The following ENTREP2 variants were observed in gnomAD, a reference collection of about 807,000 sequenced individuals.
ENTREP2 encodes protein ENTREP2.
chr15:29,565,737 G>A, the ENTREP2 span, among the ~76,000 whole-genome samples: 6 of 152,144 alleles, frequency 3.9e-5, no homozygotes, highest in Non-Finnish European at 8.8e-5. Flanking sequence ...GCTGAGGCAG[G>A]CGGATCACGA....
the ENTREP2 span, among the ~76,000 whole-genome samples, chr15:29,292,744 C>T: frequency 6.6e-6 from 1 of 152,134 alleles, no homozygotes; most frequent in Non-Finnish European, 1.5e-5. Flanking sequence ...ATGTATATGG[C>T]TTGGAAAATT....
the ENTREP2 span, among the ~76,000 whole-genome samples, chr15:29,171,915 G>C: frequency 1.3e-5 from 2 of 152,202 alleles, no homozygotes; most frequent in Non-Finnish European, 2.9e-5. Flanking sequence ...GTAAGGTCTA[G>C]AAACCAATAC....
the ENTREP2 span, among the ~76,000 whole-genome samples, chr15:29,305,143 G>T: frequency 6.6e-6 from 1 of 152,318 alleles, no homozygotes; most frequent in East Asian, 1.9e-4. Context: ...TAGTTGAAAA[G>T]CACTCAATAA....
At chr15:29,354,644 G>A in the ENTREP2 span, among the ~76,000 whole-genome samples, 1 of 152,020 alleles carries the variant, frequency 6.6e-6, no homozygotes, top group Non-Finnish European at 1.5e-5. Flanking sequence ...GTGATAAACA[G>A]ACACTGTCTC....
At chr15:29,294,905 G>A in the ENTREP2 span, among the ~76,000 whole-genome samples, 1 of 152,218 alleles carries the variant, frequency 6.6e-6, no homozygotes, top group Non-Finnish European at 1.5e-5. Flanking sequence ...CTGGGACCCT[G>A]TGGGGAGCCT....
chr15:29,416,977 T>C, the ENTREP2 span, among the ~76,000 whole-genome samples: 3 of 152,144 alleles, frequency 2.0e-5, no homozygotes, highest in Non-Finnish European at 4.4e-5. Flanking sequence ...ATGGCGATCA[T>C]TAAAAAGTCA....
the ENTREP2 span, among the ~76,000 whole-genome samples, chr15:29,254,315 A>G: frequency 9.2e-5 from 14 of 152,202 alleles, no homozygotes; most frequent in Non-Finnish European, 4.4e-5. Context: ...AGTTGTATAA[A>G]ACTGATAGTA....
the ENTREP2 span, among the ~76,000 whole-genome samples, chr15:29,522,209 A>G: frequency 6.6e-6 from 1 of 152,256 alleles, no homozygotes; most frequent in African/African-American, 2.4e-5. Context: ...AAATCTTTAT[A>G]ACTCTGGATT....
the ENTREP2 span, among the ~76,000 whole-genome samples, chr15:29,426,254 A>G: frequency 1.5e-4 from 23 of 152,312 alleles, no homozygotes; most frequent in South Asian, 4.4e-3. Context: ...TTGCATACAG[A>G]AAGCCTAGAG....
chr15:29,490,346 G>C, the ENTREP2 span, among the ~76,000 whole-genome samples: 5 of 152,306 alleles, frequency 3.3e-5, no homozygotes, highest in Admixed American at 3.3e-4. Context: ...GTGAGCAGTG[G>C]CAAGATTTAC....
chr15:29,550,721 A>G, the ENTREP2 span, among the ~76,000 whole-genome samples: 1 of 152,220 alleles, frequency 6.6e-6, no homozygotes, highest in African/African-American at 2.4e-5. Flanking sequence ...TTCATAACCA[A>G]AAGTTAACTC....
the ENTREP2 span, among the ~76,000 whole-genome samples, chr15:29,177,906 G>T: frequency 7.0e-3 from 1,070 of 152,088 alleles, 16 homozygotes; most frequent in African/African-American, 0.025. Context: ...AGGCAGGGCG[G>T]GAGGGATACA....
chr15:29,478,821 C>G, the ENTREP2 span, among the ~76,000 whole-genome samples: 1 of 150,850 alleles, frequency 6.6e-6, no homozygotes, highest in Non-Finnish European at 1.5e-5. Context: ...AGGAGAATCT[C>G]TTGAACCGGG....
chr15:29,402,251 A>AATATATATATATATATATAT, the ENTREP2 span, among the ~76,000 whole-genome samples: 1,322 of 111,726 alleles, frequency 0.012, 29 homozygotes, highest in Admixed American at 0.055. Flanking sequence ...ATTATAGAAG[A>AATATATATATATATATATAT]ATATATATAT....
At chr15:29,456,115 A>G in the ENTREP2 span, among the ~76,000 whole-genome samples, 1 of 149,036 alleles carries the variant, frequency 6.7e-6, no homozygotes, top group Admixed American at 6.8e-5. Flanking sequence ...CTCCCTGTCC[A>G]TGGAAAAATT....
At chr15:29,257,198 C>G in the ENTREP2 span, among the ~76,000 whole-genome samples, 1 of 152,032 alleles carries the variant, frequency 6.6e-6, no homozygotes, top group African/African-American at 2.4e-5. Context: ...CTCAGCCTCT[C>G]AAGTAGCTGG....
chr15:29,204,259 T>C, the ENTREP2 span, among the ~76,000 whole-genome samples: 1 of 152,228 alleles, frequency 6.6e-6, no homozygotes, highest in South Asian at 2.1e-4. Flanking sequence ...CCTGCCCCCC[T>C]TATTTATGGT....
At chr15:29,285,748 A>T in the ENTREP2 span, among the ~76,000 whole-genome samples, 12 of 152,332 alleles carry the variant, frequency 7.9e-5, no homozygotes, top group East Asian at 2.3e-3. Context: ...TCTGTCAAGG[A>T]CATTTTGAAA....
the ENTREP2 span, among the ~76,000 whole-genome samples, chr15:29,195,589 A>G: frequency 6.6e-6 from 1 of 152,178 alleles, no homozygotes; most frequent in East Asian, 1.9e-4. Flanking sequence ...CAGTGGCACA[A>G]TCTCGGCTCA....
Sources: gnomAD v4.1 joint callset for allele counts (sites outside exome capture counted in the v4.1 genomes callset) on GRCh38, gnomAD v4.1.1 for gene constraint, MANE v1.5 for transcripts, NCBI Gene and HGNC (gene_info 2026-07-23, HGNC 2026-07-21) for gene names.